Variants in MVB12B observed in about 807,000 individuals in gnomAD.
The protein encoded by MVB12B is ESCRT-I complex subunit MVB12B.
MVB12B carries 16 observed loss-of-function variants against 41.6 expected under a neutral mutation model. That is an observed-to-expected ratio of 0.38 (90% CI 0.26 to 0.58). The LOEUF (loss-of-function observed/expected upper bound fraction) is 0.58, where lower values mean the gene tolerates loss of function less well. Among genes scored for constraint, MVB12B ranks in the 20% least tolerant of loss-of-function variants. The pLI, the probability that MVB12B is intolerant of heterozygous loss-of-function variation, is 0.62. For synonymous variants in MVB12B, 133 were observed against 139.7 expected (o/e 0.95, Z 0.34); for missense variants, 274 against 380.2 (o/e 0.72, Z 2.32).
At chr9:126,487,994 T>C (rs1460906183) in intron 9 of MVB12B, among the ~76,000 whole-genome samples, 1 of 152,176 alleles carries the variant, frequency 6.6e-6, no homozygotes, top group Non-Finnish European at 1.5e-5. Context: ...CGCGTAACGT[T>C]GATGTCCACA....
intron 7 of MVB12B, among the ~76,000 whole-genome samples, chr9:126,425,559 G>A (rs1367692671): frequency 6.6e-6 from 1 of 152,232 alleles, no homozygotes; most frequent in Non-Finnish European, 1.5e-5. Flanking sequence ...TTACTGCAGA[G>A]CACTTCCAGA....
chr9:126,397,020 T>A, intron 6 of MVB12B: 1 of 985,566 alleles, frequency 1.0e-6, no homozygotes, highest in South Asian at 4.7e-5. Flanking sequence ...GTGTGTCACC[T>A]GTGCTGGGGA....
chr9:126,430,014 G>T (rs1317072306), intron 7 of MVB12B, among the ~76,000 whole-genome samples: 3 of 152,134 alleles, frequency 2.0e-5, no homozygotes, highest in Non-Finnish European at 4.4e-5. Flanking sequence ...TAGAATGCAG[G>T]GCCCACAGAA....
rs769307007 is a variant in MVB12B at position 126,340,966 on chromosome 9, A to G, written c.204+336A>G. Among the ~76,000 whole-genome samples the G allele has an allele frequency of 1.3e-5, 2 of 152,236 alleles. No individual in the cohort carries two copies. The highest frequency in any genetic ancestry group is 2.9e-5 in the Non-Finnish European group (2 of 68,050). ...TGGTGGTTTTCATATATTGTCATGCATGTGTAAATATTGTAAAGGCATTGT... is the reference window on the plus strand; with the variant it reads ...TGGTGGTTTTCATATATTGTCATGCGTGTGTAAATATTGTAAAGGCATTGT... On this transcript the variant is annotated intron_variant, in intron 2 of 9. Coordinates refer to ENST00000361171, the MANE Select transcript of MVB12B (RefSeq NM_033446.3). This position sits in a 1 kb window ranked among gnomAD's most constrained non-coding sequence, Gnocchi z 4.0.
intron 6 of MVB12B, 110 bp from the exon 7 acceptor site, chr9:126,421,744 G>C: frequency 1.2e-6 from 1 of 810,248 alleles, no homozygotes; most frequent in Non-Finnish European, 2.1e-6. Flanking sequence ...AGAAGCACCT[G>C]CTCTGCCCGC....
chr9:126,434,218 A>G (rs549563570), intron 7 of MVB12B, among the ~76,000 whole-genome samples: 2 of 151,842 alleles, frequency 1.3e-5, no homozygotes, highest in African/African-American at 4.8e-5. Flanking sequence ...ATTAATGGCC[A>G]GTGATAGTCC....
intron 7 of MVB12B, among the ~76,000 whole-genome samples, chr9:126,466,840 T>C (rs1205955629): frequency 1.3e-5 from 2 of 151,726 alleles, no homozygotes; most frequent in East Asian, 1.9e-4. Flanking sequence ...TTTTTTTTTT[T>C]CTTTTGAGAC....
At chr9:126,372,762 G>A (rs917709122) in intron 2 of MVB12B, among the ~76,000 whole-genome samples, 1 of 152,120 alleles carries the variant, frequency 6.6e-6, no homozygotes. Flanking sequence ...ACTTGAACTC[G>A]AATCTACCCA....
intron 6 of MVB12B, among the ~76,000 whole-genome samples, chr9:126,417,610 C>T (rs912943514): frequency 6.6e-6 from 1 of 152,218 alleles, no homozygotes; most frequent in African/African-American, 2.4e-5. Context: ...CCAACTACAA[C>T]ACTTGATTTG....
intron 7 of MVB12B, among the ~76,000 whole-genome samples, chr9:126,432,818 C>G (rs989867962): frequency 9.9e-5 from 15 of 152,238 alleles, no homozygotes; most frequent in African/African-American, 3.6e-4. Context: ...TGCGTGTGAC[C>G]GTTTCCCTCC....
chr9:126,461,422 T>C lies in MVB12B; in HGVS notation c.758-19947T>C, dbSNP rs567124732. 3.3e-5 allele frequency among the ~76,000 whole-genome samples: 5 copies of C among 152,352 alleles called. No individual in the cohort carries two copies. In the South Asian group the frequency reaches 1.0e-3, roughly 32 times the overall value. ...AGTCTCTTTTAAGCAGATGTTGTGC[T>C]GTGAGCCATGTAGAAAAATTATTTT... On this transcript the variant is annotated intron_variant, in intron 7 of 9. Transcript: ENST00000361171.
Position 126,452,816 on chromosome 9 carries a change from T to C in MVB12B, c.758-28553T>C, listed in dbSNP as rs1425440322. Among the ~76,000 whole-genome samples the C allele has an allele frequency of 5.3e-5, 8 of 152,240 alleles. No homozygotes were observed. The South Asian group carries it at 1.7e-3, about 32-fold the overall frequency. Reference sequence around the variant, plus strand: ...GGAAGGGAAGTTCAAGGGTAATTGCTAACTGATGCCAGAAAGAAAAAATAA... The same window carrying C: ...GGAAGGGAAGTTCAAGGGTAATTGCCAACTGATGCCAGAAAGAAAAAATAA... On this transcript the variant is annotated intron_variant, in intron 7 of 9. Transcript: ENST00000361171.
At chr9:126,399,776 G>C (rs963961978) in intron 6 of MVB12B, among the ~76,000 whole-genome samples, 3 of 152,168 alleles carry the variant, frequency 2.0e-5, no homozygotes, top group African/African-American at 7.2e-5. Flanking sequence ...CAGAACCATG[G>C]CTTGATAAAG....
At chr9:126,335,325 C>T (rs1355539843) in intron 1 of MVB12B, 1 of 1,304,136 alleles carries the variant, frequency 7.7e-7, no homozygotes, top group African/African-American at 1.5e-5. Context: ...GTGCACTGTC[C>T]CCCACGGGTG....
chr9:126,404,629 T>G (rs1831366053), intron 6 of MVB12B, among the ~76,000 whole-genome samples: 1 of 152,216 alleles, frequency 6.6e-6, no homozygotes, highest in African/African-American at 2.4e-5. Context: ...GCCCCTCTGG[T>G]CAGAAACCGC....
intron 2 of MVB12B, among the ~76,000 whole-genome samples, chr9:126,375,755 G>A (rs73670805): frequency 0.17 from 26,246 of 152,128 alleles, 2,369 homozygotes; most frequent in Middle Eastern, 0.22. Flanking sequence ...ACACTTAATC[G>A]ATAATGGGCT....
intron 1 of MVB12B, among the ~76,000 whole-genome samples, chr9:126,328,230 G>A (rs1209236012): frequency 6.6e-6 from 1 of 152,058 alleles, no homozygotes; most frequent in East Asian, 1.9e-4. Context: ...TCTTTAAATA[G>A]GGCCTCAGAG....
chr9:126,382,328 G>A (rs989437394), intron 3 of MVB12B, among the ~76,000 whole-genome samples: 40 of 152,072 alleles, frequency 2.6e-4, no homozygotes, highest in African/African-American at 1.7e-4. Context: ...TCTTTGATAC[G>A]ATAATTATTC....
At chr9:126,414,805 C>T (rs1477522100) in intron 6 of MVB12B, among the ~76,000 whole-genome samples, 1 of 151,960 alleles carries the variant, frequency 6.6e-6, no homozygotes, top group East Asian at 1.9e-4. Flanking sequence ...CACCATCATT[C>T]TCGTGGACCT....
Sources: allele counts gnomAD v4.1 joint callset (sites outside exome capture counted in the v4.1 genomes callset), GRCh38; gene constraint gnomAD v4.1.1; non-coding constraint Gnocchi (gnomAD v3.1); transcripts MANE v1.5; gene names NCBI Gene and HGNC (gene_info 2026-07-23, HGNC 2026-07-21).